Variants in ERCC8 observed in about 807,000 individuals in gnomAD.
ERCC8 encodes the protein ERCC excision repair 8, CSA ubiquitin ligase complex subunit.
ERCC8 carries 52 observed loss-of-function variants against 54.9 expected under a neutral mutation model. The observed-to-expected ratio is 0.95, with a 90% CI of 0.76 to 1.19. The LOEUF is 1.19. Ranked by LOEUF, ERCC8 falls within the 50% of genes most tolerant of loss-of-function variation. The pLI is 0.00. For missense variants in ERCC8, 514 were observed against 466.1 expected, an observed-to-expected ratio of 1.10 and a Z score of -0.95; for synonymous variants, 146 against 157.2, an observed-to-expected ratio of 0.93 and a Z score of 0.53.
intron 1 of ERCC8, among the ~76,000 whole-genome samples, chr5:60,942,883 A>G (rs1314159002): frequency 6.6e-6 from 1 of 152,214 alleles, no homozygotes; most frequent in Non-Finnish European, 1.5e-5. Flanking sequence ...TTGCTCTTAC[A>G]TGATGACAAG....
intron 4 of ERCC8, among the ~76,000 whole-genome samples, chr5:60,906,429 A>T (rs1580008694): frequency 6.6e-6 from 1 of 151,918 alleles, no homozygotes; most frequent in South Asian, 2.1e-4. Flanking sequence ...AAGGGCTATT[A>T]TCATTTAAAC....
chr5:60,944,943 C>T lies in ERCC8; in HGVS notation c.66G>A (p.Glu22=), dbSNP rs149130938. ...AAGGTTTTCTTTACCTCCGTGTTGA[C>T]TCTGCTCTCCGAAGGCGAAGAGGGT... ...LEDPLRLRRA[E]STRRVLGLEL... The change falls in exon 1 of 12, where the codon GAG becomes GAA. Residue 22 remains glutamate, a synonymous_variant. Coordinates refer to ENST00000676185, the MANE Select transcript of ERCC8 (RefSeq NM_000082.4). 1.2e-3 allele frequency: 1,994 copies of T among 1,613,934 alleles called. 4 individuals are homozygous for T. Among genetic ancestry groups the T allele is most frequent in the Middle Eastern group, 2.3e-3 (14 of 6,060 alleles).
intron 4 of ERCC8, 186 bp downstream of exon 4, chr5:60,918,079 C>T (rs989781003): frequency 1.7e-5 from 10 of 577,682 alleles, no homozygotes; most frequent in Non-Finnish European, 2.5e-5. Context: ...GACATTTGCC[C>T]AATGTCATAC....
In ERCC8 at chr5:60,904,665, TATATATATATATATATATAA is replaced by T. The variant is rs1580006965; in HGVS notation, c.481+107_481+126del. ...ATATATATATATATATATATATATA[TATATATATATATATATATAA>T]AATTGTGATATTCCTCTGGGTTAAA... On this transcript the variant is annotated intron_variant, in intron 5 of 11. Coordinates refer to ENST00000676185, the MANE Select transcript of ERCC8 (RefSeq NM_000082.4). The T allele has an allele frequency of 1.9e-5, 3 of 158,550 alleles. No homozygotes were observed. In the East Asian group the frequency reaches 5.2e-4, roughly 27 times the overall value. 9.8% of individuals were successfully genotyped at this position (158,550 alleles called of 1,614,324 possible).
At chr5:60,942,603 G>A (rs1459540250) in intron 1 of ERCC8, among the ~76,000 whole-genome samples, 1 of 152,074 alleles carries the variant, frequency 6.6e-6, no homozygotes, top group African/African-American at 2.4e-5. Context: ...GTGACCTAAA[G>A]CAGATTAGTA....
intron 1 of ERCC8, among the ~76,000 whole-genome samples, chr5:60,938,658 T>C (rs2112547139): frequency 6.6e-6 from 1 of 152,318 alleles, no homozygotes; most frequent in Middle Eastern, 3.4e-3. Context: ...CCGGCTGAAT[T>C]TGTTAAAGTT....
chr5:60,877,872 C>G (rs1436166105), intron 11 of ERCC8, among the ~76,000 whole-genome samples: 4 of 152,138 alleles, frequency 2.6e-5, no homozygotes, highest in Admixed American at 6.5e-5. Flanking sequence ...TTTCCTTTTC[C>G]TGCCTGATTG....
chr5:60,922,706 T>C (rs946284863), intron 2 of ERCC8, among the ~76,000 whole-genome samples: 17 of 152,128 alleles, frequency 1.1e-4, no homozygotes, highest in Admixed American at 7.9e-4. Context: ...CCTTCTCTTA[T>C]GAATGCATTC....
chr5:60,893,061 T>A (rs1579997006), intron 9 of ERCC8: 7 of 779,332 alleles, frequency 9.0e-6, no homozygotes, highest in South Asian at 5.4e-5. Context: ...CACAACCTCC[T>A]TGGGGTCCAG....
chr5:60,894,247 G>A (rs1296144716), intron 9 of ERCC8, among the ~76,000 whole-genome samples: 1 of 152,040 alleles, frequency 6.6e-6, no homozygotes, highest in African/African-American at 2.4e-5. Flanking sequence ...ATCTCCCAAA[G>A]TGCTGGGATT....
At chr5:60,887,562 T>C (rs1561497135) in intron 10 of ERCC8, 42 bp from the exon 11 acceptor site, 1 of 1,380,098 alleles carries the variant, frequency 7.2e-7, no homozygotes, top group Non-Finnish European at 1.0e-6. Context: ...GATCAAGAGC[T>C]GATATCAAAC....
chr5:60,880,212 G>A (rs1027936898), intron 11 of ERCC8, among the ~76,000 whole-genome samples: 1 of 152,182 alleles, frequency 6.6e-6, no homozygotes, highest in Non-Finnish European at 1.5e-5. Flanking sequence ...CTTCTGGCTT[G>A]TAGAGTTTCT....
chr5:60,898,844 CACTT>C (rs981187489), intron 8 of ERCC8, among the ~76,000 whole-genome samples: 6 of 148,014 alleles, frequency 4.1e-5, no homozygotes, highest in Middle Eastern at 3.3e-3. Context: ...AAATTTATAT[CACTT>C]ACAAAATTAA....
At chr5:60,885,098 G>A (rs1450201845) in intron 11 of ERCC8, among the ~76,000 whole-genome samples, 1 of 151,606 alleles carries the variant, frequency 6.6e-6, no homozygotes. Flanking sequence ...CTGTAGCCTT[G>A]AACTCTTGGG....
Position 60,871,380 on chromosome 5 carries a change from C to T in ERCC8, c.*3235G>A, listed in dbSNP as rs6892718. ...AAAAACTTTGTATATCCCAGTTCTG[C>T]AAAATAAAAATACATCCCCTATATG... On this transcript the variant is annotated 3_prime_UTR_variant, in exon 12 of 12. Coordinates refer to ENST00000676185, the MANE Select transcript of ERCC8 (RefSeq NM_000082.4). 0.016 allele frequency among the ~76,000 whole-genome samples: 2,398 copies of T among 152,170 alleles called. 77 individuals carry two copies. The highest frequency in any genetic ancestry group is 0.055 in the African/African-American group (2,272 of 41,498).
chr5:60,893,234 G>A, intron 9 of ERCC8: 4 of 1,007,436 alleles, frequency 4.0e-6, no homozygotes, highest in Non-Finnish European at 6.4e-6. Flanking sequence ...CTTGTAATAA[G>A]CCTTCATAGT....
intron 4 of ERCC8, among the ~76,000 whole-genome samples, chr5:60,907,053 T>G (rs1437846518): frequency 2.0e-5 from 3 of 152,228 alleles, no homozygotes; most frequent in Non-Finnish European, 4.4e-5. Flanking sequence ...TAAAAAATCT[T>G]ATAATTAGGG....
intron 4 of ERCC8, among the ~76,000 whole-genome samples, chr5:60,909,069 T>C (rs917239167): frequency 1.2e-4 from 18 of 151,284 alleles, no homozygotes; most frequent in African/African-American, 3.6e-4. Context: ...CAGATAAAGA[T>C]GGTTTGATAA....
chr5:60,935,793 A>C (rs1185653442), intron 1 of ERCC8, among the ~76,000 whole-genome samples: 2 of 152,170 alleles, frequency 1.3e-5, no homozygotes, highest in African/African-American at 4.8e-5. Flanking sequence ...CTATTGAGAT[A>C]ATCATCTGAT....
Sources: gnomAD v4.1 joint callset for allele counts (sites outside exome capture counted in the v4.1 genomes callset) on GRCh38, gnomAD v4.1.1 for gene constraint, MANE v1.5 for transcripts, NCBI Gene and HGNC (gene_info 2026-07-23, HGNC 2026-07-21) for gene names.